Variants in FMO3 observed in about 807,000 individuals in gnomAD.
FMO3 encodes flavin containing dimethylaniline monoxygenase 3, also known as flavin-containing monooxygenase 3.
In FMO3, 40 loss-of-function variants were observed where a neutral mutation model predicts 39.4. The observed-to-expected ratio is 1.02, with a 90% CI of 0.79 to 1.32. The LOEUF (loss-of-function observed/expected upper bound fraction) is 1.32, where lower values mean the gene tolerates loss of function less well. Ranked by LOEUF, FMO3 falls within the 40% of genes most tolerant of loss-of-function variation. The probability of loss-of-function intolerance (pLI) is 0.00; values close to 1 mark genes in which losing one functional copy is unlikely to be tolerated. For missense variants in FMO3, 680 were observed against 651.8 expected, an observed-to-expected ratio of 1.04 and a Z score of -0.47; for synonymous variants, 219 against 228.8, an observed-to-expected ratio of 0.96 and a Z score of 0.39.
intron 5 of FMO3, 77 bp from the exon 6 acceptor site, chr1:171,110,721 A>C (rs1286856946): frequency 7.6e-7 from 1 of 1,320,266 alleles, no homozygotes; most frequent in Non-Finnish European, 1.1e-6. Flanking sequence ...CCATTCCTCA[A>C]GAGGGATCTG....
At chr1:171,098,884 T>C (rs1655227005) in intron 2 of FMO3, among the ~76,000 whole-genome samples, 2 of 152,326 alleles carry the variant, frequency 1.3e-5, no homozygotes, top group Admixed American at 1.3e-4. Context: ...TCAGAGGGAA[T>C]GCCTCCAGTT....
chr1:171,116,195 C>T lies in FMO3; in HGVS notation c.1184-13C>T, dbSNP rs1571228472. The T allele has an allele frequency of 6.4e-7, 1 of 1,556,344 alleles. No homozygotes were observed. The highest frequency in any genetic ancestry group is 8.9e-7 in the Non-Finnish European group (1 of 1,127,978). On this transcript the variant is annotated splice_polypyrimidine_tract_variant and intron_variant, in intron 7 of 8. Transcript: ENST00000367755. ...ACTCATTAATTACCATCGTGTCTTT[C>T]CTTCTTTATCAGGAACTTGTACTTT...
chr1:171,103,937 CAAAGA>C lies in FMO3; in HGVS notation c.292_296del (p.Lys98ProfsTer8). The C allele has an allele frequency of 6.2e-7, 1 of 1,613,664 alleles. No homozygotes were observed. Among genetic ancestry groups the C allele is most frequent in the Non-Finnish European group, 8.5e-7 (1 of 1,179,764 alleles). ...TCCAGGAATATATCATTGCATTTGCCAAAGAAAAGAACCTCCTGAAGTACATACAA... is the reference window on the plus strand; with the variant it reads ...TCCAGGAATATATCATTGCATTTGCCAAAGAACCTCCTGAAGTACATACAA... On this transcript the variant is annotated frameshift_variant, in exon 3 of 9. Transcript: ENST00000367755. LOFTEE classifies it high-confidence loss of function.
At chr1:171,103,696 G>A (rs187820483) in intron 2 of FMO3, 89 bp from the exon 3 acceptor site, 8 of 1,077,770 alleles carry the variant, frequency 7.4e-6, no homozygotes, top group East Asian at 2.4e-5. Context: ...AGATACCAAG[G>A]GATGACTGTA....
chr1:171,114,778 C>A (rs1343178791), intron 7 of FMO3, among the ~76,000 whole-genome samples: 1 of 152,146 alleles, frequency 6.6e-6, no homozygotes, highest in African/African-American at 2.4e-5. Flanking sequence ...TTCAAATATC[C>A]ACAGTCATGG....
At chr1:171,107,166 G>A (rs185824579) in intron 3 of FMO3, among the ~76,000 whole-genome samples, 181 of 152,274 alleles carry the variant, frequency 1.2e-3, no homozygotes, top group Non-Finnish European at 2.0e-3. Context: ...TCTAGTCAAA[G>A]CTACTCAGTG....
In FMO3 at chr1:171,096,571, C is replaced by CTATACTTTATATATTAAGTACATAA. The variant is rs1557934393; in HGVS notation, c.132+3798_132+3799insGTACATAATATACTTTATATATTAA. 6.8e-4 allele frequency among the ~76,000 whole-genome samples: 30 copies of CTATACTTTATATATTAAGTACATAA among 43,884 alleles called. 1 individual carries two copies. Among genetic ancestry groups the CTATACTTTATATATTAAGTACATAA allele is most frequent in the African/African-American group, 3.1e-3 (29 of 9,368 alleles). The allele number at this position is 43,884 out of a possible 152,430, so 28.8% of individuals were successfully genotyped here. A position where few individuals can be genotyped will look rare whatever the true frequency, so the allele number is the denominator to read the frequency against. ...CTATACTTTATATATTAAATACATA[C>CTATACTTTATATATTAAGTACATAA]TATACTTTATATATTAAATACATAA... On this transcript the variant is annotated intron_variant, in intron 2 of 8. Transcript: ENST00000367755.
chr1:171,096,026 A>T (rs1557932949), intron 2 of FMO3, among the ~76,000 whole-genome samples: 1 of 33,120 alleles, frequency 3.0e-5, no homozygotes, highest in African/African-American at 1.6e-4. Flanking sequence ...TTATATATTA[A>T]TATATAATAT....
chr1:171,114,196 T>A lies in FMO3; in HGVS notation c.1017T>A (p.Asp339Glu). 6.2e-7 allele frequency: 1 copy of A among 1,614,082 alleles called. No individual in the cohort carries two copies. Among genetic ancestry groups the A allele is most frequent in the African/African-American group, 1.3e-5 (1 of 75,046 alleles). The change falls in exon 7 of 9, where the codon GAT becomes GAA. Residue 339 changes from aspartate (D) to glutamate (E), a missense_variant. Transcript: ENST00000367755. The part of the protein sequence containing the change: ...TGYSFAYPFL[D>E]ESIIKSRNNE... ...ATAGTTTTGCCTACCCCTTCCTTGA[T>A]GAGTCTATCATCAAAAGCAGAAACA...
intron 3 of FMO3, among the ~76,000 whole-genome samples, chr1:171,107,057 T>C (rs1655672826): frequency 6.6e-6 from 1 of 152,166 alleles, no homozygotes; most frequent in Non-Finnish European, 1.5e-5. Context: ...CAAATAGAGA[T>C]TCTTTTTCCA....
chr1:171,115,164 G>C (rs986970535), intron 7 of FMO3, among the ~76,000 whole-genome samples: 1 of 152,130 alleles, frequency 6.6e-6, no homozygotes, highest in Non-Finnish European at 1.5e-5. Flanking sequence ...ATTAAAGGAA[G>C]GGTGCTACCC....
chr1:171,095,312 G>A lies in FMO3; in HGVS notation c.132+2522G>A, dbSNP rs185580520. On this transcript the variant is annotated intron_variant, in intron 2 of 8. Coordinates refer to ENST00000367755, the MANE Select transcript of FMO3 (RefSeq NM_001002294.3). The stretch of plus-strand genomic sequence containing the variant: ...AAGTTCTTCAATGCCCCTTTGTCCC[G>A]TGCATATGTAATAAGGGTTCTATTA... Among the ~76,000 whole-genome samples, 410 of 152,174 alleles carry A rather than the reference G, an allele frequency of 2.7e-3. 4 individuals carry two copies. Among genetic ancestry groups the A allele is most frequent in the African/African-American group, 8.6e-3 (357 of 41,522 alleles).
rs913978834 is a variant in FMO3, at chr1:171,107,683, A to G, written c.330A>G (p.Val110=). 7 of 1,612,334 alleles carry G rather than the reference A, an allele frequency of 4.3e-6. No individual in the cohort carries two copies. In the Admixed American group the frequency reaches 8.3e-5, roughly 19 times the overall value. Residue 110 remains valine, a synonymous_variant, in exon 4 of 9, where the codon GTA becomes GTG. Transcript: ENST00000367755. ...LLKYIQFKTF[V]SSVNKHPDFA... Reference sequence around the variant, plus strand: ...TTCTGTATTTCTCTTAGACATTTGTATCCAGTGTAAATAAACATCCTGATT... The same window carrying G: ...TTCTGTATTTCTCTTAGACATTTGTGTCCAGTGTAAATAAACATCCTGATT...
chr1:171,098,861 C>G (rs886541081), intron 2 of FMO3, among the ~76,000 whole-genome samples: 2 of 152,156 alleles, frequency 1.3e-5, no homozygotes, highest in Non-Finnish European at 2.9e-5. Context: ...GCATCCCTGT[C>G]TTGTGCCAGT....
chr1:171,091,696 C>T (rs907642181), intron 1 of FMO3, among the ~76,000 whole-genome samples: 10 of 151,746 alleles, frequency 6.6e-5, no homozygotes, highest in African/African-American at 2.4e-4. Flanking sequence ...TCAAGCGATA[C>T]CCCAGCTCAA....
rs1046834735 is a variant in FMO3 at position 171,103,651 on chromosome 1, A to C, written c.133-134A>C. The C allele has an allele frequency of 9.3e-6, 7 of 751,998 alleles. No individual in the cohort carries two copies. In the African/African-American group the frequency reaches 1.0e-4, roughly 11 times the overall value. The allele number at this position is 751,998 out of a possible 1,614,324, so 46.6% of individuals were successfully genotyped here. A position where few individuals can be genotyped will look rare whatever the true frequency, so the allele number is the denominator to read the frequency against. On this transcript the variant is annotated intron_variant, in intron 2 of 8. Transcript: ENST00000367755. The stretch of plus-strand genomic sequence containing the variant: ...ATGTAAGAGACTTGAGCATTCGTAG[A>C]TTTTGGTAACCACGGAGGTCCTGGA...
intron 6 of FMO3, 67 bp from the exon 7 acceptor site, chr1:171,113,940 A>G (rs1439201227): frequency 8.6e-7 from 1 of 1,168,954 alleles, no homozygotes; most frequent in East Asian, 2.4e-5. Context: ...TTATCAATTT[A>G]TATATGGACC....
intron 2 of FMO3, among the ~76,000 whole-genome samples, chr1:171,095,128 C>T (rs1654893396): frequency 6.6e-6 from 1 of 152,078 alleles, no homozygotes; most frequent in Admixed American, 6.6e-5. Context: ...CCAAAGAGAT[C>T]TTGCACCTCT....
At chr1:171,105,830 A>G (rs907897260) in intron 3 of FMO3, among the ~76,000 whole-genome samples, 1 of 152,134 alleles carries the variant, frequency 6.6e-6, no homozygotes, top group African/African-American at 2.4e-5. Context: ...AAGATAAAAA[A>G]AGAAAATCAA....
Sources: gnomAD v4.1 joint callset for allele counts (sites outside exome capture counted in the v4.1 genomes callset) on GRCh38, gnomAD v4.1.1 for gene constraint, MANE v1.5 for transcripts, NCBI Gene and HGNC (gene_info 2026-07-23, HGNC 2026-07-21) for gene names.